Variants in PHRF1 observed in about 807,000 individuals in gnomAD.
The protein encoded by PHRF1 is PHD and ring finger domains 1.
A neutral mutation model predicts 128.9 loss-of-function variants in PHRF1; 53 were observed. The observed-to-expected ratio is 0.41, with a 90% confidence interval of 0.33 to 0.52. The LOEUF (loss-of-function observed/expected upper bound fraction) is 0.52, where lower values mean the gene tolerates loss of function less well. Ranked by LOEUF, PHRF1 falls within the 20% of genes least tolerant of loss-of-function variation. PHRF1 has a pLI of 0.21. For missense variants in PHRF1, 2,503 were observed against 2,284.5 expected (o/e 1.10, Z -1.95); for synonymous variants, 1,178 against 980.6 (o/e 1.20, Z -3.76).
intron 8 of PHRF1, among the ~76,000 whole-genome samples, chr11:598,039 AT>A (rs1172502660): frequency 6.6e-6 from 1 of 151,982 alleles, no homozygotes. Flanking sequence ...CTAACGCTGA[AT>A]TTGGAGTGGA....
intron 13 of PHRF1, 99 bp downstream of exon 13, chr11:606,695 C>T: frequency 6.9e-7 from 1 of 1,445,960 alleles, no homozygotes; most frequent in Non-Finnish European, 9.1e-7. Flanking sequence ...GAAGATGTAG[C>T]TGAAGTTGGG....
Position 609,368 on chromosome 11 carries a change from A to G in PHRF1, c.3912A>G (p.Pro1304=), listed in dbSNP as rs764702856. The change falls in exon 14 of 18, where the codon CCA becomes CCG. Residue 1304 remains proline, a synonymous_variant. Transcript: ENST00000264555. ...STDSSPERDF[P]LKPALPPASL... ...ACTCTTCCCCGGAGCGAGACTTCCC[A>G]CTGAAGCCTGCGTTGCCCCCAGCCA... 5 of 1,611,988 alleles carry G rather than the reference A, an allele frequency of 3.1e-6. No homozygotes were observed. The African/African-American group carries it at 4.0e-5, about 13-fold the overall frequency.
chr11:583,926 C>A (rs906945474), intron 3 of PHRF1, among the ~76,000 whole-genome samples: 1 of 152,206 alleles, frequency 6.6e-6, no homozygotes, highest in Non-Finnish European at 1.5e-5. Flanking sequence ...CCACTACTTT[C>A]CTTCTGACAT....
chr11:592,416 G>A (rs530202193), intron 5 of PHRF1, 143 bp from the exon 6 acceptor site: 199 of 753,038 alleles, frequency 2.6e-4, no homozygotes, highest in Non-Finnish European at 4.3e-4. Context: ...CTGTGTACAC[G>A]TGGAGGGAGA....
chr11:580,529 G>A (rs1217624055), intron 1 of PHRF1, among the ~76,000 whole-genome samples: 9 of 152,294 alleles, frequency 5.9e-5, no homozygotes, highest in South Asian at 2.1e-4. Context: ...GTTGGGGTGC[G>A]GTCAGAGGAG....
intron 10 of PHRF1, among the ~76,000 whole-genome samples, chr11:602,755 G>T (rs867959966): frequency 1.1e-4 from 15 of 139,586 alleles, no homozygotes; most frequent in African/African-American, 4.5e-4. Flanking sequence ...TTTTGGTTTT[G>T]TTTTTGTTTT....
chr11:587,136 G>C, intron 3 of PHRF1, 123 bp from the exon 4 acceptor site: 1 of 855,458 alleles, frequency 1.2e-6, no homozygotes, highest in Non-Finnish European at 1.9e-6. Flanking sequence ...GCAGGAGCCT[G>C]CGGGGAGGTG....
chr11:593,592 G>A (rs1253008016), intron 6 of PHRF1, among the ~76,000 whole-genome samples: 1 of 152,236 alleles, frequency 6.6e-6, no homozygotes, highest in Non-Finnish European at 1.5e-5. Flanking sequence ...CTCCACTCAC[G>A]CTGTTGTTGG....
rs1387973680 is a variant in PHRF1, at chr11:585,587, G to A, written c.215-1672G>A. On this transcript the variant is annotated intron_variant, in intron 3 of 17. Transcript: ENST00000264555. ...CAGCTTGAGGTAGTAGCCCTTTCCA[G>A]CTTGAGGTAGTAGCCCTTTCCAGCT... Among the ~76,000 whole-genome samples, 29 of 119,440 alleles carry A rather than the reference G, an allele frequency of 2.4e-4. 3 individuals are homozygous for A. Among genetic ancestry groups the A allele is most frequent in the African/African-American group, 8.6e-4 (24 of 27,864 alleles). 78.4% of individuals were successfully genotyped at this position (119,440 alleles called of 152,430 possible). A position where few individuals can be genotyped will look rare whatever the true frequency, so the allele number is the denominator to read the frequency against.
Position 591,376 on chromosome 11 carries a change from T to A in PHRF1, c.421-8T>A. 6.2e-7 allele frequency: 1 copy of A among 1,602,322 alleles called. No homozygotes were observed. The highest frequency in any genetic ancestry group is 1.1e-5 in the South Asian group (1 of 88,912). On this transcript the variant is annotated splice_region_variant and splice_polypyrimidine_tract_variant and intron_variant, in intron 4 of 17. Transcript: ENST00000264555. ...ACAAGATTCTGATCCTGTTTTTATT[T>A]CTCACAGAATGCCAATTCCTGTCCA...
chr11:591,932 C>A (rs191638333), intron 5 of PHRF1, among the ~76,000 whole-genome samples: 1 of 147,856 alleles, frequency 6.8e-6, no homozygotes, highest in African/African-American at 2.5e-5. Flanking sequence ...TTTTTTTTCC[C>A]GAGACAAGAG....
intron 1 of PHRF1, among the ~76,000 whole-genome samples, chr11:580,837 C>G (rs185645961): frequency 4.7e-4 from 72 of 151,940 alleles, no homozygotes; most frequent in African/African-American, 1.6e-3. Flanking sequence ...TACAGGCGCC[C>G]GCCACCACGC....
chr11:589,496 G>T (rs549580017), intron 4 of PHRF1, among the ~76,000 whole-genome samples: 1 of 152,214 alleles, frequency 6.6e-6, no homozygotes, highest in East Asian at 1.9e-4. Context: ...AAACTACAGG[G>T]ATTGAACTGG....
chr11:610,377 C>T (rs199824125), intron 15 of PHRF1, 30 bp downstream of exon 15: 24 of 1,541,056 alleles, frequency 1.6e-5, no homozygotes, highest in Admixed American at 1.5e-4. Flanking sequence ...GGCTGTGGGC[C>T]GTGGGCAGTG....
At chr11:592,223 T>A (rs1855013671) in intron 5 of PHRF1, among the ~76,000 whole-genome samples, 1 of 152,062 alleles carries the variant, frequency 6.6e-6, no homozygotes, top group African/African-American at 2.4e-5. Flanking sequence ...CCTTTTTTTT[T>A]TTTTTTTTTA....
intron 4 of PHRF1, among the ~76,000 whole-genome samples, chr11:590,833 A>G (rs559557663): frequency 6.6e-6 from 1 of 152,130 alleles, no homozygotes; most frequent in East Asian, 1.9e-4. Context: ...CCTCCCGAGT[A>G]GCTGGGGTTA....
chr11:609,765 G>A (rs1227529939), intron 14 of PHRF1, 45 bp downstream of exon 14: 2 of 1,307,430 alleles, frequency 1.5e-6, no homozygotes, highest in African/African-American at 3.2e-5. Flanking sequence ...CCCCCAGTGA[G>A]TAAGGCCCTG....
chr11:577,834 G>T (rs1157298793), intron 1 of PHRF1, among the ~76,000 whole-genome samples: 5 of 152,260 alleles, frequency 3.3e-5, no homozygotes, highest in Non-Finnish European at 7.3e-5. Context: ...TCATTCCTTA[G>T]TAACAGTTGG....
chr11:588,621 C>T (rs2132908981), intron 4 of PHRF1, among the ~76,000 whole-genome samples: 1 of 152,140 alleles, frequency 6.6e-6, no homozygotes, highest in Non-Finnish European at 1.5e-5. Context: ...TCAGGTGATC[C>T]ACCCGTCTCG....
Sources: gnomAD v4.1 joint callset for allele counts (sites outside exome capture counted in the v4.1 genomes callset) on GRCh38, gnomAD v4.1.1 for gene constraint, MANE v1.5 for transcripts, NCBI Gene and HGNC (gene_info 2026-07-23, HGNC 2026-07-21) for gene names.